The following CNTNAP3 variants were observed in gnomAD, a reference collection of about 807,000 sequenced individuals.
CNTNAP3 encodes the protein contactin associated protein family member 3.
In CNTNAP3, 36 loss-of-function variants were observed where a neutral mutation model predicts 92.1. The observed-to-expected ratio is 0.39, with a 90% CI of 0.30 to 0.52. The LOEUF (loss-of-function observed/expected upper bound fraction) is 0.52. Among genes scored for constraint, CNTNAP3 ranks in the 20% least tolerant of loss-of-function variants. CNTNAP3 has a pLI of 0.76. For missense variants in CNTNAP3, 534 were observed against 1,069.6 expected, an observed-to-expected ratio of 0.50 and a Z score of 6.98; for synonymous variants, 232 against 422.3, an observed-to-expected ratio of 0.55 and a Z score of 5.53.
At chr9:39,078,966 T>C in intron 21 of CNTNAP3, 46 bp from the exon 22 acceptor site, 2 of 1,447,600 alleles carry the variant, frequency 1.4e-6, no homozygotes, top group Non-Finnish European at 1.9e-6. Flanking sequence ...GCGGCGGAGA[T>C]GGGGGCGCAG....
intron 14 of CNTNAP3, among the ~76,000 whole-genome samples, chr9:39,113,340 TA>T (rs1820756196): frequency 6.6e-6 from 1 of 152,214 alleles, no homozygotes; most frequent in Non-Finnish European, 1.5e-5. Context: ...ATTTTTTCCA[TA>T]AAAGTACTGC....
At chr9:39,109,321 T>G (rs769972426) in intron 14 of CNTNAP3, 34 bp from the exon 15 acceptor site, 1 of 1,608,834 alleles carries the variant, frequency 6.2e-7, no homozygotes, top group African/African-American at 1.3e-5. Flanking sequence ...TTAAAATTAT[T>G]CTGATTAACA....
In CNTNAP3 at chr9:39,068,329, T is replaced by C. The variant is rs1051281998; in HGVS notation, c.*5561A>G. 3.3e-5 allele frequency among the ~76,000 whole-genome samples: 5 copies of C among 152,274 alleles called. No homozygotes were observed. The highest frequency in any genetic ancestry group is 5.9e-5 in the Non-Finnish European group (4 of 68,052). On this transcript the variant is annotated 3_prime_UTR_variant, in exon 24 of 24. Coordinates refer to ENST00000297668, the MANE Select transcript of CNTNAP3 (RefSeq NM_033655.5). ...TACTCGGGAGGCTGAGGCAGGAGAA[T>C]GGCATGAACCCTGGAGGCGGAGCTT...
At chr9:39,150,160 C>T (rs1316111294) in intron 9 of CNTNAP3, among the ~76,000 whole-genome samples, 183 bp from the exon 10 acceptor site, 1 of 151,924 alleles carries the variant, frequency 6.6e-6, no homozygotes, top group African/African-American at 2.4e-5. Context: ...TAAGATAATA[C>T]CTGGAATTCA....
chr9:39,127,950 T>G (rs1821187716), intron 13 of CNTNAP3, among the ~76,000 whole-genome samples: 1 of 152,136 alleles, frequency 6.6e-6, no homozygotes, highest in Non-Finnish European at 1.5e-5. Context: ...GCGATTCTCC[T>G]GCCTCAGCCT....
At chr9:39,127,508 T>A (rs1201544177) in intron 13 of CNTNAP3, among the ~76,000 whole-genome samples, 1 of 152,036 alleles carries the variant, frequency 6.6e-6, no homozygotes, top group Non-Finnish European at 1.5e-5. Flanking sequence ...AACAGTAAGA[T>A]TGAAAAACTT....
At chr9:39,147,843 A>G (rs2118128407) in intron 10 of CNTNAP3, among the ~76,000 whole-genome samples, 2 of 152,340 alleles carry the variant, frequency 1.3e-5, no homozygotes, top group East Asian at 3.9e-4. Context: ...AACATGGATC[A>G]TCTCTGAAAA....
chr9:39,089,756 C>A (rs1019538597), intron 18 of CNTNAP3, among the ~76,000 whole-genome samples: 3 of 152,056 alleles, frequency 2.0e-5, no homozygotes, highest in African/African-American at 7.2e-5. Context: ...TACAGCTATA[C>A]CTGTCTGTGT....
chr9:39,122,767 T>C (rs1262654322), intron 13 of CNTNAP3, among the ~76,000 whole-genome samples: 1 of 152,206 alleles, frequency 6.6e-6, no homozygotes, highest in Non-Finnish European at 1.5e-5. Context: ...AACATGCAGA[T>C]ATGACAGATT....
In CNTNAP3 at chr9:39,132,941, C is replaced by A; in HGVS notation, c.2071G>T (p.Asp691Tyr). Residue 691 changes from aspartate to tyrosine, a missense_variant, in exon 13 of 24, where the codon GAC becomes TAC. Transcript: ENST00000297668. Reference protein sequence around the residue: ...ALRCGTARRPDSRDGTPLSWW... With the variant: ...ALRCGTARRPYSRDGTPLSWW... ...CAGGAGTGGCGCTTACCTCGTGAGTCCGGGCGCCGCGCCGTCCCGCAGCGC... is the reference window on the plus strand; with the variant it reads ...CAGGAGTGGCGCTTACCTCGTGAGTACGGGCGCCGCGCCGTCCCGCAGCGC... 1.9e-6 allele frequency: 3 copies of A among 1,545,390 alleles called. No individual in the cohort carries two copies. Among genetic ancestry groups the A allele is most frequent in the South Asian group, 1.2e-5 (1 of 85,254 alleles).
intron 14 of CNTNAP3, among the ~76,000 whole-genome samples, chr9:39,110,537 A>G (rs917233379): frequency 1.4e-4 from 22 of 152,262 alleles, no homozygotes; most frequent in South Asian, 2.1e-4. Context: ...CCTATTGAAT[A>G]CCATGAGTAT....
At chr9:39,154,878 A>C (rs1821920793) in intron 9 of CNTNAP3, 1 of 224,000 alleles carries the variant, frequency 4.5e-6, no homozygotes, top group Admixed American at 5.6e-5. Flanking sequence ...CCGGTGGGGA[A>C]GACTAGCAGA....
intron 14 of CNTNAP3, among the ~76,000 whole-genome samples, chr9:39,113,006 T>A (rs1165407721): frequency 6.6e-6 from 1 of 152,184 alleles, no homozygotes. Flanking sequence ...GATGAGAATG[T>A]CAACTTTAAA....
At chr9:39,131,425 T>A (rs907000004) in intron 13 of CNTNAP3, among the ~76,000 whole-genome samples, 1 of 152,108 alleles carries the variant, frequency 6.6e-6, no homozygotes, top group Non-Finnish European at 1.5e-5. Flanking sequence ...AGACCTTTGC[T>A]CTTTCTACTA....
intron 13 of CNTNAP3, among the ~76,000 whole-genome samples, chr9:39,119,762 A>G (rs1563884055): frequency 1.3e-5 from 2 of 152,188 alleles, no homozygotes; most frequent in Admixed American, 6.5e-5. Context: ...ACAACCGAAG[A>G]GAATTCTGAA....
chr9:39,115,396 T>C (rs1820832741), intron 14 of CNTNAP3, among the ~76,000 whole-genome samples: 1 of 151,894 alleles, frequency 6.6e-6, no homozygotes, highest in African/African-American at 2.4e-5. Flanking sequence ...AATCTTTTCA[T>C]TTCATGAGAC....
chr9:39,162,747 G>T (rs2481024), intron 9 of CNTNAP3, among the ~76,000 whole-genome samples: 7 of 143,470 alleles, frequency 4.9e-5, no homozygotes, highest in African/African-American at 1.9e-4. Flanking sequence ...TTCTGACTTA[G>T]GAGTGGGAGC....
In CNTNAP3 at chr9:39,103,912, A is replaced by T. The variant is rs1564073810; in HGVS notation, c.2368T>A (p.Ser790Thr). 1 of 1,601,988 alleles carries T rather than the reference A, an allele frequency of 6.2e-7. No individual in the cohort carries two copies. Among genetic ancestry groups the T allele is most frequent in the Non-Finnish European group, 8.5e-7 (1 of 1,176,038 alleles). Residue 790 changes from serine to threonine, a missense_variant and splice_region_variant, in exon 16 of 24, where the codon TCA becomes ACA. Ser to Thr is a moderately conservative substitution (Grantham distance 58). Coordinates refer to ENST00000297668, the MANE Select transcript of CNTNAP3 (RefSeq NM_033655.5). ...TTGAAGGAAGCTGAATTCCAGAATG[A>T]CTCTGTTTACAATAGAGAAAACGAC... ...LGPLLCRGDQ[S>T]FWNSASFNTE...
At chr9:39,109,139 C>T (rs1563880629) in intron 15 of CNTNAP3, 21 bp downstream of exon 15, 8 of 1,599,452 alleles carry the variant, frequency 5.0e-6, no homozygotes. Flanking sequence ...GAAAATAAAG[C>T]TTTTTCTTGA....
Sources: gnomAD v4.1 joint callset for allele counts (sites outside exome capture counted in the v4.1 genomes callset) on GRCh38, gnomAD v4.1.1 for gene constraint, MANE v1.5 for transcripts, NCBI Gene and HGNC (gene_info 2026-07-23, HGNC 2026-07-21) for gene names.